The following ZFHX4 variants were observed in gnomAD, a reference collection of about 807,000 sequenced individuals.
ZFHX4 encodes zinc finger homeobox 4, also known as zinc finger homeobox protein 4.
A neutral mutation model predicts 267.6 loss-of-function variants in ZFHX4; 56 were observed. The observed-to-expected ratio is 0.21, with a 90% CI of 0.17 to 0.26. ZFHX4 has a LOEUF of 0.26. ZFHX4 is among the 10% of genes least tolerant of loss of function. The pLI is 1.00. For synonymous variants in ZFHX4, 1,778 were observed against 1,665.6 expected, an observed-to-expected ratio of 1.07 and a Z score of -1.64; for missense variants, 4,332 against 4,420.0, an observed-to-expected ratio of 0.98 and a Z score of 0.56.
chr8:76,782,100 AT>A (rs77420241), intron 4 of ZFHX4: 13,474 of 235,710 alleles, frequency 0.057, 33 homozygotes, highest in South Asian at 0.065. Context: ...TCAGTTAAGA[AT>A]TTTTTTTTTT....
intron 3 of ZFHX4, among the ~76,000 whole-genome samples, chr8:76,761,810 T>C (rs1809921394): frequency 6.6e-6 from 1 of 152,216 alleles, no homozygotes; most frequent in South Asian, 2.1e-4. Context: ...GACTGCTTTC[T>C]GGCCTGATGT....
chr8:76,761,024 C>T (rs994363675), intron 3 of ZFHX4, among the ~76,000 whole-genome samples: 3 of 151,656 alleles, frequency 2.0e-5, no homozygotes, highest in African/African-American at 7.3e-5. Flanking sequence ...GTGGGGTTCA[C>T]GTCCACCAGA....
In ZFHX4 at chr8:76,849,692, G is replaced by C. The variant is rs1355144425; in HGVS notation, c.3826G>C (p.Val1276Leu). 9.3e-6 allele frequency: 15 copies of C among 1,613,730 alleles called. No homozygotes were observed. The highest frequency in any genetic ancestry group is 3.3e-5 in the Admixed American group (2 of 59,992). ...THLHSVSPDCVEKLLMTVPVP... is the reference protein window; with the variant it reads ...THLHSVSPDCLEKLLMTVPVP... ...TTTGCACAGTGTGTCTCCAGACTGT[G>C]TGGAGAAGCTGCTTATGACAGTAAG... The change falls in exon 8 of 11, where the codon GTG becomes CTG. Residue 1276 changes from valine to leucine, a missense_variant. Around this residue, in one of 7 missense-constraint regions of ZFHX4, gnomAD observed 1,371 missense variants for 1,423.1 expected, o/e 0.96. Transcript: ENST00000651372.
intron 1 of ZFHX4, among the ~76,000 whole-genome samples, chr8:76,694,536 C>A (rs1163951383): frequency 6.6e-6 from 1 of 152,102 alleles, no homozygotes; most frequent in Non-Finnish European, 1.5e-5. Flanking sequence ...CCATGTTGAA[C>A]GGAAGGGACC....
intron 1 of ZFHX4, among the ~76,000 whole-genome samples, chr8:76,688,004 G>A (rs577281805): frequency 6.6e-6 from 1 of 152,266 alleles, no homozygotes; most frequent in South Asian, 2.1e-4. Context: ...AAAACAAGCA[G>A]GGGCTCAGAT....
intron 3 of ZFHX4, among the ~76,000 whole-genome samples, chr8:76,762,953 A>G (rs541956444): frequency 6.6e-6 from 1 of 152,308 alleles, no homozygotes; most frequent in African/African-American, 2.4e-5. Context: ...ATACCAACAC[A>G]CTAAGATCTG....
intron 9 of ZFHX4, 140 bp from the exon 10 acceptor site, chr8:76,850,746 C>T: frequency 9.5e-7 from 1 of 1,053,830 alleles, no homozygotes; most frequent in Non-Finnish European, 1.3e-6. Context: ...GTGCTTGCCA[C>T]ATAGTAGTTG....
At chr8:76,750,471 T>A (rs1008333685) in intron 3 of ZFHX4, among the ~76,000 whole-genome samples, 2 of 152,160 alleles carry the variant, frequency 1.3e-5, no homozygotes, top group African/African-American at 4.8e-5. Flanking sequence ...ATATATGATC[T>A]TACTGTGTCC....
At position 76,851,790 on chromosome 8, in the gene ZFHX4, T is replaced by C. The variant is rs1216827158; in HGVS notation, c.4869T>C (p.Ala1623=). Residue 1623 remains alanine, a synonymous_variant, in exon 10 of 11, where the codon GCT becomes GCC. Coordinates refer to ENST00000651372, the MANE Select transcript of ZFHX4 (RefSeq NM_024721.5). ...TGCTCCACCAGACAAAGGCTAGGGCTGCAAAGCTGGAGCCCAGTGGTCATG... is the reference window on the plus strand; with the variant it reads ...TGCTCCACCAGACAAAGGCTAGGGCCGCAAAGCTGGAGCCCAGTGGTCATG... ...RSVLHQTKAR[A]AKLEPSGHVA... 1 of 1,613,946 alleles carries C rather than the reference T, an allele frequency of 6.2e-7. No individual in the cohort carries two copies. Among genetic ancestry groups the C allele is most frequent in the Admixed American group, 1.7e-5 (1 of 60,022 alleles).
chr8:76,697,480 T>C (rs1056027538), intron 1 of ZFHX4, among the ~76,000 whole-genome samples: 3 of 152,042 alleles, frequency 2.0e-5, no homozygotes, highest in Admixed American at 1.3e-4. Flanking sequence ...GATTAGTCAG[T>C]TACATCTTAA....
chr8:76,850,312 A>G lies in ZFHX4; in HGVS notation c.3914A>G (p.Glu1305Gly). ...LLPAAASEKS[E>G]RDTPAAVTAE... is the part of the protein sequence containing the mutation. ...CCAGCAGCTGCCTCTGAGAAATCAG[A>G]GCGGGACACACCTGCAGCCGTGACA... is the stretch of plus-strand genomic sequence containing the variant. Residue 1305 changes from glutamate to glycine, a missense_variant, in exon 9 of 11, where the codon GAG becomes GGG. Physicochemically the swap from Glu to Gly is moderately conservative, Grantham distance 98. Around this residue, in one of 7 missense-constraint regions of ZFHX4, gnomAD observed 1,371 missense variants for 1,423.1 expected, o/e 0.96. Transcript: ENST00000651372. The G allele has an allele frequency of 6.2e-7, 1 of 1,613,256 alleles. No homozygotes were observed. The highest frequency in any genetic ancestry group is 1.7e-4 in the Middle Eastern group (1 of 6,058).
At chr8:76,764,848 G>C (rs1810010904) in intron 3 of ZFHX4, among the ~76,000 whole-genome samples, 1 of 152,190 alleles carries the variant, frequency 6.6e-6, no homozygotes, top group African/African-American at 2.4e-5. Flanking sequence ...AGGTTAAGCA[G>C]TGCCTCCCTA....
chr8:76,858,243 A>T (rs1220515757), intron 10 of ZFHX4, among the ~76,000 whole-genome samples: 2 of 152,246 alleles, frequency 1.3e-5, no homozygotes, highest in Admixed American at 6.5e-5. Context: ...ATTTAAATAG[A>T]CTAATATTTT....
chr8:76,782,407 G>A (rs191447281), intron 4 of ZFHX4, among the ~76,000 whole-genome samples: 19 of 151,996 alleles, frequency 1.3e-4, no homozygotes, highest in East Asian at 3.9e-4. Flanking sequence ...TTCTGTGAGC[G>A]TATTTAAAGA....
At chr8:76,764,271 A>G (rs16939354) in intron 3 of ZFHX4, among the ~76,000 whole-genome samples, 45,225 of 152,130 alleles carry the variant, frequency 0.3, 9,610 homozygotes, top group African/African-American at 0.59. Context: ...CTGGAGAGGT[A>G]AATAATAAAC....
intron 3 of ZFHX4, among the ~76,000 whole-genome samples, chr8:76,725,355 A>G (rs761457510): frequency 2.6e-5 from 4 of 152,146 alleles, no homozygotes; most frequent in Non-Finnish European, 5.9e-5. Context: ...CTGCAGATCA[A>G]CTTGAAATAG....
chr8:76,689,373 C>CA (rs899184588), intron 1 of ZFHX4, among the ~76,000 whole-genome samples: 2 of 152,100 alleles, frequency 1.3e-5, no homozygotes, highest in Non-Finnish European at 2.9e-5. Context: ...AGGAAATGGG[C>CA]AAAAGCCCAG....
chr8:76,681,693 C>T, intron 1 of ZFHX4, 73 bp downstream of exon 1: 1 of 379,438 alleles, frequency 2.6e-6, no homozygotes, highest in Non-Finnish European at 4.7e-6. Context: ...TCTTTCCAGC[C>T]TGATCTTGCA....
chr8:76,731,856 C>CATTATTATT (rs76950838), intron 3 of ZFHX4, among the ~76,000 whole-genome samples: 18,165 of 143,724 alleles, frequency 0.13, 1,299 homozygotes, highest in East Asian at 0.19. Flanking sequence ...TGGTGCCACA[C>CATTATTATT]ATTATTATTA....
Sources: allele counts gnomAD v4.1 joint callset (sites outside exome capture counted in the v4.1 genomes callset), GRCh38; gene constraint gnomAD v4.1.1; regional missense constraint gnomAD v4.1.1; transcripts MANE v1.5; gene names NCBI Gene and HGNC (gene_info 2026-07-23, HGNC 2026-07-21).